IMMP2L: variants seen among roughly 807,000 people sequenced by gnomAD.
IMMP2L encodes the protein mitochondrial inner membrane protease subunit 2.
In IMMP2L, 18 loss-of-function variants were observed where a neutral mutation model predicts 19.3. The ratio of observed to expected loss-of-function variants is 0.93; its 90% confidence interval spans 0.64 to 1.38. The LOEUF (loss-of-function observed/expected upper bound fraction) is 1.38, where lower values mean the gene tolerates loss of function less well. IMMP2L is among the 40% of genes most tolerant of loss of function. IMMP2L has a pLI of 0.00. For synonymous variants in IMMP2L, 76 were observed against 73.0 expected, an observed-to-expected ratio of 1.04 and a Z score of -0.21; for missense variants, 233 against 218.2, an observed-to-expected ratio of 1.07 and a Z score of -0.43.
intron 3 of IMMP2L, among the ~76,000 whole-genome samples, chr7:111,371,725 T>C (rs527286633): frequency 2.6e-5 from 4 of 151,950 alleles, no homozygotes; most frequent in Admixed American, 6.6e-5. Context: ...CAAATATATA[T>C]AGCATATACT....
At chr7:111,227,919 C>A (rs1813279990) in intron 3 of IMMP2L, among the ~76,000 whole-genome samples, 1 of 152,062 alleles carries the variant, frequency 6.6e-6, no homozygotes, top group Non-Finnish European at 1.5e-5. Context: ...TCAAAAACCA[C>A]TTCTACTATT....
intron 3 of IMMP2L, among the ~76,000 whole-genome samples, chr7:111,211,424 C>T (rs1450011890): frequency 3.3e-5 from 5 of 152,006 alleles, no homozygotes; most frequent in South Asian, 2.1e-4. Flanking sequence ...TAAAGCATGC[C>T]GCAATTCAAT....
chr7:110,992,338 A>G (rs746378157), intron 3 of IMMP2L, among the ~76,000 whole-genome samples: 3 of 152,090 alleles, frequency 2.0e-5, no homozygotes, highest in Non-Finnish European at 4.4e-5. Flanking sequence ...ATTTAACATT[A>G]AATAACATGC....
At chr7:111,296,276 C>A (rs1681485090) in intron 3 of IMMP2L, among the ~76,000 whole-genome samples, 1 of 151,800 alleles carries the variant, frequency 6.6e-6, no homozygotes, top group Non-Finnish European at 1.5e-5. Flanking sequence ...ATGCTCACAT[C>A]CTAATTCATC....
intron 3 of IMMP2L, among the ~76,000 whole-genome samples, chr7:111,147,278 T>A (rs1343841573): frequency 6.6e-6 from 1 of 152,126 alleles, no homozygotes; most frequent in Non-Finnish European, 1.5e-5. Context: ...CTGTTTTGAA[T>A]CTTCCTCAAA....
intron 3 of IMMP2L, among the ~76,000 whole-genome samples, chr7:111,188,482 G>A (rs924613282): frequency 4.6e-5 from 7 of 151,942 alleles, no homozygotes; most frequent in African/African-American, 1.5e-4. Context: ...TCTCATATAC[G>A]AGGGCTCCAT....
At chr7:110,988,108 T>C (rs1488057618) in intron 3 of IMMP2L, among the ~76,000 whole-genome samples, 1 of 152,220 alleles carries the variant, frequency 6.6e-6, no homozygotes, top group African/African-American at 2.4e-5. Context: ...TTTAGGGTTA[T>C]ATGATAAAGC....
intron 3 of IMMP2L, among the ~76,000 whole-genome samples, chr7:111,485,046 C>A (rs1763431474): frequency 6.6e-6 from 1 of 152,028 alleles, no homozygotes; most frequent in South Asian, 2.1e-4. Context: ...CCTTGCCCTC[C>A]CAAAGTGCCA....
At chr7:110,908,243 C>T (rs1378347337) in intron 4 of IMMP2L, among the ~76,000 whole-genome samples, 1 of 152,172 alleles carries the variant, frequency 6.6e-6, no homozygotes, top group Non-Finnish European at 1.5e-5. Context: ...ATTAAGCCAT[C>T]AAACTTCTCT....
At chr7:111,430,434 TCTTTAA>T (rs1836512080) in intron 3 of IMMP2L, among the ~76,000 whole-genome samples, 1 of 151,736 alleles carries the variant, frequency 6.6e-6, no homozygotes, top group Non-Finnish European at 1.5e-5. Flanking sequence ...CTTTTAGCCT[TCTTTAA>T]CTTCTTTTCA....
chr7:111,289,692 T>C (rs565426189), intron 3 of IMMP2L, among the ~76,000 whole-genome samples: 3 of 151,388 alleles, frequency 2.0e-5, no homozygotes, highest in South Asian at 4.1e-4. Flanking sequence ...TGTTCTATTT[T>C]GTTTTGTTTT....
At chr7:110,861,115 G>C (rs1563032783) in intron 5 of IMMP2L, among the ~76,000 whole-genome samples, 1 of 148,872 alleles carries the variant, frequency 6.7e-6, no homozygotes, top group Non-Finnish European at 1.5e-5. Flanking sequence ...GAGAGAGAGA[G>C]AGAGAGAGAG....
intron 3 of IMMP2L, among the ~76,000 whole-genome samples, chr7:111,429,318 T>C (rs1453706410): frequency 6.6e-6 from 1 of 151,812 alleles, no homozygotes; most frequent in Non-Finnish European, 1.5e-5. Flanking sequence ...CAGAAACAAT[T>C]AACCTACTCT....
chr7:110,719,203 T>C (rs913137958), intron 5 of IMMP2L, among the ~76,000 whole-genome samples: 3 of 152,092 alleles, frequency 2.0e-5, no homozygotes, highest in Non-Finnish European at 2.9e-5. Context: ...ACAGAAATGA[T>C]AGGAATAAAG....
At chr7:111,304,717 TG>T (rs1302528979) in intron 3 of IMMP2L, among the ~76,000 whole-genome samples, 1 of 145,186 alleles carries the variant, frequency 6.9e-6, no homozygotes, top group African/African-American at 2.6e-5. Context: ...TGTGTGTGTG[TG>T]GTGTATCCTG....
At chr7:110,735,681 TACACACACACACACACACAC>T (rs3051068) in intron 5 of IMMP2L, among the ~76,000 whole-genome samples, 2 of 114,814 alleles carry the variant, frequency 1.7e-5, no homozygotes, top group South Asian at 3.3e-4. Flanking sequence ...AGTAGACAAA[TACACACACACACACACACAC>T]ACACACACAC....
chr7:111,334,224 T>G (rs774511167), intron 3 of IMMP2L, among the ~76,000 whole-genome samples: 1 of 151,906 alleles, frequency 6.6e-6, no homozygotes, highest in Non-Finnish European at 1.5e-5. Context: ...TCCTCCCCTC[T>G]TCCACTTCCC....
At chr7:110,905,844 A>G (rs1018959035) in intron 4 of IMMP2L, among the ~76,000 whole-genome samples, 9 of 152,232 alleles carry the variant, frequency 5.9e-5, no homozygotes, top group Non-Finnish European at 8.8e-5. Flanking sequence ...CTTCTTAATC[A>G]TAACACTGAA....
At chr7:111,287,398 C>A (rs900793719) in intron 3 of IMMP2L, among the ~76,000 whole-genome samples, 1 of 152,064 alleles carries the variant, frequency 6.6e-6, no homozygotes, top group Non-Finnish European at 1.5e-5. Flanking sequence ...AGCATCATAA[C>A]TGCTACGTAA....
Sources: allele counts gnomAD v4.1 joint callset (sites outside exome capture counted in the v4.1 genomes callset), GRCh38; gene constraint gnomAD v4.1.1; transcripts MANE v1.5; gene names NCBI Gene and HGNC (gene_info 2026-07-23, HGNC 2026-07-21).